SORBS2: variants seen among roughly 807,000 people sequenced by gnomAD.
The protein encoded by SORBS2 is sorbin and SH3 domain-containing protein 2.
In SORBS2, 46 loss-of-function variants were observed where a neutral mutation model predicts 97.7. That is an observed-to-expected ratio of 0.47 (90% CI 0.37 to 0.60). SORBS2 has a LOEUF of 0.60. Ranked by LOEUF, SORBS2 falls within the 20% of genes least tolerant of loss-of-function variation. The probability of loss-of-function intolerance (pLI) is 0.00; values close to 1 mark genes in which losing one functional copy is unlikely to be tolerated. For synonymous variants in SORBS2, 476 were observed against 473.4 expected, an observed-to-expected ratio of 1.01 and a Z score of -0.07; for missense variants, 1,316 against 1,282.3, an observed-to-expected ratio of 1.03 and a Z score of -0.40.
intron 1 of SORBS2, among the ~76,000 whole-genome samples, chr4:185,792,989 G>A (rs1444064574): frequency 6.6e-6 from 1 of 152,204 alleles, no homozygotes; most frequent in East Asian, 1.9e-4. Context: ...CAGAGCGTTT[G>A]TGTGAATAGT....
intron 1 of SORBS2, among the ~76,000 whole-genome samples, chr4:185,910,452 C>T (rs1310910288): frequency 1.3e-5 from 2 of 152,222 alleles, no homozygotes; most frequent in African/African-American, 2.4e-5. Context: ...TCTCCCCATT[C>T]CTCTCCTGTC....
chr4:185,824,737 T>C (rs1364003425), intron 1 of SORBS2, among the ~76,000 whole-genome samples: 2 of 152,072 alleles, frequency 1.3e-5, no homozygotes, highest in Admixed American at 6.6e-5. Context: ...AGATTTAGAG[T>C]GAATCTACCA....
chr4:185,706,022 A>G (rs1462112905), intron 2 of SORBS2, among the ~76,000 whole-genome samples: 2 of 150,770 alleles, frequency 1.3e-5, no homozygotes, highest in Non-Finnish European at 3.0e-5. Context: ...AAGATAATTG[A>G]GCTGATATTT....
At chr4:185,731,250 T>C (rs754816020) in intron 2 of SORBS2, among the ~76,000 whole-genome samples, 1 of 152,216 alleles carries the variant, frequency 6.6e-6, no homozygotes, top group African/African-American at 2.4e-5. Flanking sequence ...ACAGCTCAGA[T>C]GCTTCATGCA....
At chr4:185,946,471 A>C (rs1313888001) in intron 1 of SORBS2, among the ~76,000 whole-genome samples, 1 of 152,242 alleles carries the variant, frequency 6.6e-6, no homozygotes, top group Non-Finnish European at 1.5e-5. Flanking sequence ...GATGAAGCTT[A>C]AAACTTGAGA....
intron 11 of SORBS2, among the ~76,000 whole-genome samples, chr4:185,614,320 G>A (rs978593048): frequency 6.6e-6 from 1 of 151,562 alleles, no homozygotes; most frequent in African/African-American, 2.4e-5. Context: ...AGAAATTTGG[G>A]TCAATTATGA....
At chr4:185,929,537 T>A (rs1233456684) in intron 1 of SORBS2, among the ~76,000 whole-genome samples, 5 of 151,074 alleles carry the variant, frequency 3.3e-5, no homozygotes. Flanking sequence ...TGGGTTTTTT[T>A]TTTTTTTTTG....
upstream of SORBS2, chr4:185,657,594 A>T: frequency 6.3e-7 from 1 of 1,586,738 alleles, no homozygotes. Context: ...GTGTCTGTGG[A>T]ATCTGCACAG....
In SORBS2 at chr4:185,814,553, A is replaced by AAAACAAACAAAC. The variant is rs36055043; in HGVS notation, c.-337-39199_-337-39188dup. Reference sequence around the variant, plus strand: ...AGACTCTGTCTCTGTTTTTAGTAGCAAAACAAACAAACAAACAAACAAACA... The same window carrying AAAACAAACAAAC: ...AGACTCTGTCTCTGTTTTTAGTAGCAAAACAAACAAACAAACAAACAAACAAACAAACAAACA... On this transcript the variant is annotated intron_variant, in intron 1 of 20. Transcript: ENST00000284776. 6.9e-3 allele frequency among the ~76,000 whole-genome samples: 1,038 copies of AAAACAAACAAAC among 151,252 alleles called. 8 individuals are homozygous for AAAACAAACAAAC. Among genetic ancestry groups the AAAACAAACAAAC allele is most frequent in the African/African-American group, 0.015 (597 of 41,062 alleles).
chr4:185,839,449 G>A (rs529192513), intron 1 of SORBS2, among the ~76,000 whole-genome samples: 4 of 152,272 alleles, frequency 2.6e-5, no homozygotes, highest in African/African-American at 7.2e-5. Flanking sequence ...CCAGGGGTCG[G>A]TCCAGTAGGA....
chr4:185,768,471 C>T (rs936146069), intron 2 of SORBS2, among the ~76,000 whole-genome samples: 5 of 152,054 alleles, frequency 3.3e-5, no homozygotes, highest in Admixed American at 2.0e-4. Context: ...GTGGGTGGAT[C>T]ACTTGAGGTC....
chr4:185,864,867 A>C (rs2099225892), intron 1 of SORBS2, among the ~76,000 whole-genome samples: 1 of 151,866 alleles, frequency 6.6e-6, no homozygotes, highest in Non-Finnish European at 1.5e-5. Flanking sequence ...AGCTGAGACG[A>C]AGCCACTGCA....
chr4:185,903,152 A>C, intron 1 of SORBS2, among the ~76,000 whole-genome samples: 1 of 152,220 alleles, frequency 6.6e-6, no homozygotes, highest in Admixed American at 6.5e-5. Context: ...AACACAACTA[A>C]AAGACCTAAA....
intron 1 of SORBS2, among the ~76,000 whole-genome samples, chr4:185,853,745 T>G (rs1226524730): frequency 3.9e-5 from 6 of 151,926 alleles, no homozygotes; most frequent in African/African-American, 1.2e-4. Context: ...ACATGGCGAG[T>G]GTTCCAAAAT....
rs566302604 is a variant in SORBS2, at chr4:185,908,033, C to T, written c.-338+48163G>A. The stretch of plus-strand genomic sequence containing the variant: ...TGGAAAACCGACCTGGAGAGGTCAT[C>T]GGGCAGAGCCATGCTGAGCTCCTCA... On this transcript the variant is annotated intron_variant, in intron 1 of 20. Coordinates refer to the SORBS2 transcript ENST00000284776. 2.0e-4 allele frequency among the ~76,000 whole-genome samples: 31 copies of T among 151,940 alleles called. 2 individuals are homozygous for T. Among genetic ancestry groups the T allele is most frequent in the African/African-American group, 6.8e-4 (28 of 41,444 alleles).
At chr4:185,624,741 A>G (rs2096781346) in intron 6 of SORBS2, among the ~76,000 whole-genome samples, 2 of 152,348 alleles carry the variant, frequency 1.3e-5, no homozygotes, top group African/African-American at 4.8e-5. Flanking sequence ...AAAACTGTGT[A>G]TAAGAAGCAA....
chr4:185,645,795 T>G (rs571966512), intron 4 of SORBS2: 1 of 152,320 alleles, frequency 6.6e-6, no homozygotes, highest in East Asian at 1.9e-4. Context: ...TGGAAGGAGA[T>G]GCAGAGGAAC....
chr4:185,951,609 T>C (rs1316442451), intron 1 of SORBS2, among the ~76,000 whole-genome samples: 1 of 151,906 alleles, frequency 6.6e-6, no homozygotes, highest in Admixed American at 6.6e-5. Flanking sequence ...TCAGACTTGC[T>C]TGGGCATAAA....
chr4:185,670,903 GA>G (rs2097703109), intron 4 of SORBS2, among the ~76,000 whole-genome samples: 1 of 152,126 alleles, frequency 6.6e-6, no homozygotes, highest in African/African-American at 2.4e-5. Context: ...CTGGGAATTT[GA>G]ATTACGTGAC....
Sources: gnomAD v4.1 joint callset for allele counts (sites outside exome capture counted in the v4.1 genomes callset) on GRCh38, gnomAD v4.1.1 for gene constraint, MANE v1.5 for transcripts, NCBI Gene and HGNC (gene_info 2026-07-23, HGNC 2026-07-21) for gene names.